Variants in LMTK3 observed in about 807,000 individuals in gnomAD.
The protein encoded by LMTK3 is serine/threonine-protein kinase LMTK3.
A neutral mutation model predicts 116.7 loss-of-function variants in LMTK3; 27 were observed. The ratio of observed to expected loss-of-function variants is 0.23; its 90% CI spans 0.17 to 0.32. The LOEUF (loss-of-function observed/expected upper bound fraction) is 0.32, where lower values mean the gene tolerates loss of function less well. Ranked by LOEUF, LMTK3 falls within the 10% of genes least tolerant of loss-of-function variation. The pLI, the probability that LMTK3 is intolerant of heterozygous loss-of-function variation, is 1.00. For missense variants in LMTK3, 1,764 were observed against 2,068.5 expected (o/e 0.85, Z 2.86); for synonymous variants, 965 against 971.0 (o/e 0.99, Z 0.11).
intron 5 of LMTK3, among the ~76,000 whole-genome samples, chr19:48,506,365 C>T (rs1972570846): frequency 6.6e-6 from 1 of 151,986 alleles, no homozygotes. Flanking sequence ...GTCCTCAGTG[C>T]CTAGACTAGT....
In LMTK3 at chr19:48,501,159, A is replaced by G. The variant is rs374012858; in HGVS notation, c.1002-14T>C. ...ACCCCCAGGGACCTGCAGAGAGCAGAGAGAGGTCAGAGCCCAGCCCTGACC... is the reference window on the plus strand; with the variant it reads ...ACCCCCAGGGACCTGCAGAGAGCAGGGAGAGGTCAGAGCCCAGCCCTGACC... On this transcript the variant is annotated splice_polypyrimidine_tract_variant and intron_variant, in intron 9 of 14. Transcript: ENST00000600059. 13 of 1,610,472 alleles carry G rather than the reference A, an allele frequency of 8.1e-6. No individual in the cohort carries two copies. Among genetic ancestry groups the G allele is most frequent in the Non-Finnish European group, 1.1e-5 (13 of 1,178,332 alleles).
chr19:48,509,449 G>T lies in LMTK3; in HGVS notation c.426C>A (p.Gly142=). 1 of 1,558,142 alleles carries T rather than the reference G, an allele frequency of 6.4e-7. No homozygotes were observed. The highest frequency in any genetic ancestry group is 8.7e-7 in the Non-Finnish European group (1 of 1,150,230). The part of the protein sequence containing the change: ...HLSYLQEIGS[G]WFGKVILGEI... The stretch of plus-strand genomic sequence containing the variant: ...CCAGCCCACTCACCTTCCCAAACCA[G>T]CCACTCCCAATCTCCTGCAGGTAGC... The change falls in exon 4 of 15, where the codon GGC becomes GGA. Residue 142 remains glycine, a synonymous_variant. Transcript: ENST00000600059.
rs201777632 is a variant in LMTK3 at position 48,500,056 on chromosome 19, CAG to C, written c.1152-141_1152-140del. 3 of 756,680 alleles carry C rather than the reference CAG, an allele frequency of 4.0e-6. No individual in the cohort carries two copies. Among genetic ancestry groups the C allele is most frequent in the African/African-American group, 1.8e-5 (1 of 54,842 alleles). The allele number at this position is 756,680 out of a possible 1,614,324, so 46.9% of individuals were successfully genotyped here. On this transcript the variant is annotated intron_variant, in intron 10 of 14. Transcript: ENST00000600059. This position sits in a 1 kb window ranked among gnomAD's most constrained non-coding sequence, Gnocchi z 4.0. ...ACCCAGAGAGAGGGGGACAGAGACC[CAG>C]AGAGAGGGGGACAGAGACCCAGAGA...
In LMTK3 at chr19:48,491,331, TCCCAC is replaced by T; in HGVS notation, c.4228+68_4228+72del. On this transcript the variant is annotated intron_variant, in intron 13 of 14. Coordinates refer to ENST00000600059, the MANE Select transcript of LMTK3 (RefSeq NM_001388485.1). This position sits in a 1 kb window ranked among gnomAD's most constrained non-coding sequence, Gnocchi z 5.1. The stretch of plus-strand genomic sequence containing the variant: ...GTCCCGCCCCTCCCGACCAAGCCCC[TCCCAC>T]CCCATAGACCCCGCCCCGTCCGCCC... The T allele has an allele frequency of 1.7e-6, 1 of 574,060 alleles. No individual in the cohort carries two copies. Among genetic ancestry groups the T allele is most frequent in the Non-Finnish European group, 2.3e-6 (1 of 426,948 alleles). The allele number at this position is 574,060 out of a possible 1,614,324, so 35.6% of individuals were successfully genotyped here.
chr19:48,511,623 AG>A lies in LMTK3; in HGVS notation c.-48del, dbSNP rs775191456. 2.5e-4 allele frequency: 27 copies of A among 107,690 alleles called. No individual in the cohort carries two copies. The highest frequency in any genetic ancestry group is 2.8e-4 in the Non-Finnish European group (18 of 63,482). The allele number at this position is 107,690 out of a possible 1,614,324, so 6.7% of individuals were successfully genotyped here. On this transcript the variant is annotated 5_prime_UTR_variant, in exon 1 of 15. Coordinates refer to ENST00000600059, the MANE Select transcript of LMTK3 (RefSeq NM_001388485.1). ...GTGGAGGTGGTGGCGGCTGGGGAGG[AG>A]GGGGGGGCGGGCCCTCAGCCCCCAG... is the stretch of plus-strand genomic sequence containing the variant.
At chr19:48,506,052 G>A (rs1334149758) in intron 5 of LMTK3, among the ~76,000 whole-genome samples, 2 of 151,128 alleles carry the variant, frequency 1.3e-5, no homozygotes, top group African/African-American at 4.9e-5. Flanking sequence ...TGAGGCAGGA[G>A]AATCGCTTGA....
chr19:48,497,671 G>C lies in LMTK3; in HGVS notation c.3398C>G (p.Ala1133Gly). The change falls in exon 11 of 15, where the codon GCA (alanine) becomes GGA (glycine). Residue 1133 changes from alanine (A) to glycine (G), a missense_variant. By Grantham distance (60) the Ala-to-Gly change is moderately conservative. Transcript: ENST00000600059. This position sits in a 1 kb window ranked among gnomAD's most constrained non-coding sequence, Gnocchi z 5.7. ...PGGGPGSGVD[A>G]KAGWVDNTRP... is the part of the protein sequence containing the mutation. The stretch of plus-strand genomic sequence containing the variant: ...CGTGTTGTCTACCCATCCGGCCTTT[G>C]CGTCCACGCCGCTTCCGGGGCCGCC... The C allele has an allele frequency of 7.6e-7, 1 of 1,316,472 alleles. No homozygotes were observed. The highest frequency in any genetic ancestry group is 9.6e-7 in the Non-Finnish European group (1 of 1,036,750). The allele number at this position is 1,316,472 out of a possible 1,614,324, so 81.5% of individuals were successfully genotyped here.
At chr19:48,506,275 A>G (rs1972568954) in intron 5 of LMTK3, among the ~76,000 whole-genome samples, 1 of 148,862 alleles carries the variant, frequency 6.7e-6, no homozygotes, top group African/African-American at 2.4e-5. Flanking sequence ...AAAAAAAAGT[A>G]TTTATTTATC....
At chr19:48,504,927 C>G (rs988529042) in intron 5 of LMTK3, among the ~76,000 whole-genome samples, 4 of 152,012 alleles carry the variant, frequency 2.6e-5, no homozygotes, top group African/African-American at 9.7e-5. Context: ...TTTGTACCTG[C>G]TGTTCCTTCT....
rs1461691148 is a variant in LMTK3, at chr19:48,494,000, G to T, written c.3786C>A (p.Gly1262=). The T allele has an allele frequency of 6.4e-6, 7 of 1,089,992 alleles. No homozygotes were observed. Among genetic ancestry groups the T allele is most frequent in the Non-Finnish European group, 4.4e-6 (4 of 901,068 alleles). 67.5% of individuals were successfully genotyped at this position (1,089,992 alleles called of 1,614,324 possible). The change falls in exon 12 of 15, where the codon GGC becomes GGA. Residue 1262 remains glycine, a synonymous_variant. Coordinates refer to ENST00000600059, the MANE Select transcript of LMTK3 (RefSeq NM_001388485.1). The part of the protein sequence containing the change: ...PWEGADAGAA[G]GEAGGAGAPG... ...GCGCTCCCGCCCCGCCGGCCTCCCC[G>T]CCAGCCGCCCCGGCGTCCGCGCCCT...
upstream of LMTK3, chr19:48,513,202 T>G (rs1289588912): frequency 6.4e-7 from 1 of 1,574,480 alleles, no homozygotes; most frequent in Admixed American, 1.8e-5. The surrounding 1 kb of genome is among the most constrained non-coding windows in gnomAD (Gnocchi z 5.6). Context: ...AAAAGATACA[T>G]GATCATAGTT....
chr19:48,496,899 A>G (rs1370747392), intron 11 of LMTK3, among the ~76,000 whole-genome samples: 2 of 152,264 alleles, frequency 1.3e-5, no homozygotes, highest in East Asian at 3.8e-4. Flanking sequence ...AGATTCGCCA[A>G]CACCAGGTGC....
At position 48,485,452 on chromosome 19, in the gene LMTK3, C is replaced by T. The variant is rs1399778911; in HGVS notation, c.*321G>A. 1.2e-5 allele frequency: 4 copies of T among 346,484 alleles called. No individual in the cohort carries two copies. The highest frequency in any genetic ancestry group is 4.4e-5 in the African/African-American group (2 of 45,694). 21.5% of individuals were successfully genotyped at this position (346,484 alleles called of 1,614,324 possible). ...CCAGGAGTGGGTGAGGAGGGACCTC[C>T]GCTGTGTCGAGGGGCTCCAGGCCCA... is the stretch of plus-strand genomic sequence containing the variant. On this transcript the variant is annotated 3_prime_UTR_variant, in exon 15 of 15. Transcript: ENST00000600059.
intron 12 of LMTK3, among the ~76,000 whole-genome samples, chr19:48,493,078 C>G (rs1296705423): frequency 6.6e-6 from 1 of 152,066 alleles, no homozygotes; most frequent in Non-Finnish European, 1.5e-5. Flanking sequence ...GGCTCCGCCC[C>G]CATTCCAGCC....
chr19:48,498,659 C>T lies in LMTK3; in HGVS notation c.2410G>A (p.Glu804Lys). ...GCCCCCCCACCTGGGAAGGCTCCCT[C>T]TGGGGAAAAAGGGGTCTCGGTCTCG... ...GYETETPFSPEGAFPGGGAAE... is the reference protein window; with the variant it reads ...GYETETPFSPKGAFPGGGAAE... Residue 804 changes from glutamate to lysine, a missense_variant, in exon 11 of 15, where the codon GAG (glutamate) becomes AAG (lysine). Glu to Lys is a moderately conservative substitution (Grantham distance 56). This residue lies in a region of LMTK3 where 1,028 missense variants were observed against 1,050.6 expected (regional missense o/e 0.98). Transcript: ENST00000600059. The T allele has an allele frequency of 2.6e-6, 4 of 1,541,532 alleles. No homozygotes were observed. The highest frequency in any genetic ancestry group is 3.5e-6 in the Non-Finnish European group (4 of 1,145,222).
rs1569104452 is a variant in LMTK3, at chr19:48,500,006, G to A, written c.1152-89C>T. The A allele has an allele frequency of 5.4e-6, 7 of 1,305,306 alleles. No individual in the cohort carries two copies. The highest frequency in any genetic ancestry group is 7.3e-6 in the Non-Finnish European group (7 of 965,024). 80.9% of individuals were successfully genotyped at this position (1,305,306 alleles called of 1,614,324 possible). A position where few individuals can be genotyped will look rare whatever the true frequency, so the allele number is the denominator to read the frequency against. ...GGGGACAGACAACCAGAGAGAGGGG[G>A]ACAGAGACCCAGAGGGTAACAGAGA... On this transcript the variant is annotated intron_variant, in intron 10 of 14. Transcript: ENST00000600059. The surrounding 1 kb of genome is among the most constrained non-coding windows in gnomAD (Gnocchi z 4.0).
upstream of LMTK3, chr19:48,513,052 C>T: frequency 9.3e-7 from 1 of 1,071,308 alleles, no homozygotes; most frequent in Non-Finnish European, 1.4e-6. The surrounding 1 kb of genome is among the most constrained non-coding windows in gnomAD (Gnocchi z 5.6). Flanking sequence ...CATAAACACA[C>T]ACTGGCACAC....
rs778259040 is a variant in LMTK3, at chr19:48,493,724, G to A, written c.4062C>T (p.His1354=). The part of the protein sequence containing the change: ...LERKRKMVSF[H]GDVTVYLFDQ... The stretch of plus-strand genomic sequence containing the variant: ...CGAAGAGGTAGACGGTCACGTCCCC[G>A]TGGAAGGAGACCATCTTGCGCTTCC... Residue 1354 remains histidine (H), a synonymous_variant, in exon 12 of 15, where the codon CAC becomes CAT. Coordinates refer to ENST00000600059, the MANE Select transcript of LMTK3 (RefSeq NM_001388485.1). The A allele has an allele frequency of 1.3e-6, 2 of 1,577,170 alleles. No individual in the cohort carries two copies. Among genetic ancestry groups the A allele is most frequent in the South Asian group, 2.3e-5 (2 of 85,920 alleles).
Position 48,491,869 on chromosome 19 carries a change from C to T in LMTK3, c.4093-330G>A, listed in dbSNP as rs1206336299. Among the ~76,000 whole-genome samples, 1 of 152,024 alleles carries T rather than the reference C, an allele frequency of 6.6e-6. No individual in the cohort carries two copies. Among genetic ancestry groups the T allele is most frequent in the Non-Finnish European group, 1.5e-5 (1 of 67,998 alleles). On this transcript the variant is annotated intron_variant, in intron 12 of 14. Coordinates refer to ENST00000600059, the MANE Select transcript of LMTK3 (RefSeq NM_001388485.1). The surrounding 1 kb of genome is among the most constrained non-coding windows in gnomAD (Gnocchi z 5.1). ...CTAACCCAAAGCGATCTCCATAAGC[C>T]CCACCCCGTCCACGTCAGTCCCACC... is the stretch of plus-strand genomic sequence containing the variant.
Sources: gnomAD v4.1 joint callset for allele counts (sites outside exome capture counted in the v4.1 genomes callset) on GRCh38, gnomAD v4.1.1 for gene constraint, gnomAD v4.1.1 regional missense constraint, Gnocchi (gnomAD v3.1) non-coding constraint, MANE v1.5 for transcripts, NCBI Gene and HGNC (gene_info 2026-07-23, HGNC 2026-07-21) for gene names.